The following RIMS2 variants were observed in gnomAD, a reference collection of about 807,000 sequenced individuals.
RIMS2 encodes regulating synaptic membrane exocytosis protein 2.
In RIMS2, 59 loss-of-function variants were observed where a neutral mutation model predicts 174.4. The ratio of observed to expected loss-of-function variants is 0.34; its 90% CI spans 0.27 to 0.42. The LOEUF (loss-of-function observed/expected upper bound fraction) is 0.42, where lower values mean the gene tolerates loss of function less well. Ranked by LOEUF, RIMS2 falls within the 10% of genes least tolerant of loss-of-function variation. RIMS2 has a pLI of 1.00. For missense variants in RIMS2, 1,620 were observed against 1,666.3 expected, an observed-to-expected ratio of 0.97 and a Z score of 0.48; for synonymous variants, 606 against 572.5, an observed-to-expected ratio of 1.06 and a Z score of -0.84.
At chr8:104,014,523 G>T (rs1307973611) in exon 19 of RIMS2, 2 of 1,608,262 alleles carry the variant, frequency 1.2e-6, no homozygotes, top group Non-Finnish European at 1.7e-6. Flanking sequence ...CCTCGTACTG[G>T]GTCTGTCCAG....
At chr8:103,689,742 T>C (rs919556501) in intron 1 of RIMS2, among the ~76,000 whole-genome samples, 4 of 152,296 alleles carry the variant, frequency 2.6e-5, no homozygotes, top group Middle Eastern at 3.4e-3. Flanking sequence ...TCACTAGTAA[T>C]AGTAAATGCA....
chr8:103,632,253 C>T (rs1229966832), intron 1 of RIMS2, among the ~76,000 whole-genome samples: 2 of 152,102 alleles, frequency 1.3e-5, no homozygotes, highest in African/African-American at 2.4e-5. Flanking sequence ...ATAATGTTGG[C>T]TGTGGGTTTG....
chr8:103,964,169 C>T (rs141209730), intron 15 of RIMS2, among the ~76,000 whole-genome samples: 1 of 152,292 alleles, frequency 6.6e-6, no homozygotes, highest in East Asian at 1.9e-4. Flanking sequence ...ATGTTTTCAA[C>T]TCCTTTTCGC....
intron 2 of RIMS2, among the ~76,000 whole-genome samples, chr8:103,720,392 A>G (rs111820229): frequency 6.6e-6 from 1 of 152,128 alleles, no homozygotes; most frequent in Non-Finnish European, 1.5e-5. Flanking sequence ...TGATTATTCC[A>G]TTTCATCTGG....
At chr8:103,925,751 G>A (rs2078652568) in intron 10 of RIMS2, among the ~76,000 whole-genome samples, 1 of 151,530 alleles carries the variant, frequency 6.6e-6, no homozygotes, top group African/African-American at 2.4e-5. Context: ...AATGGACAGC[G>A]AGATGGAAAA....
intron 1 of RIMS2, among the ~76,000 whole-genome samples, chr8:103,671,073 G>A (rs1018680317): frequency 1.3e-5 from 2 of 152,114 alleles, no homozygotes; most frequent in Admixed American, 6.5e-5. Flanking sequence ...GGTGGGAGGC[G>A]AAAGGCACGT....
intron 19 of RIMS2, among the ~76,000 whole-genome samples, chr8:104,093,196 T>C (rs573344826): frequency 5.7e-4 from 87 of 152,216 alleles, no homozygotes; most frequent in African/African-American, 1.9e-3. Context: ...ACCTAAATGT[T>C]CTTTCCTGAG....
At chr8:104,142,246 A>C (rs985322019) in intron 19 of RIMS2, among the ~76,000 whole-genome samples, 23 of 150,544 alleles carry the variant, frequency 1.5e-4, no homozygotes, top group Non-Finnish European at 1.3e-4. Context: ...TCCTGCCTCA[A>C]CCTCCTGAAT....
At position 104,176,010 on chromosome 8, in the gene RIMS2, A is replaced by G. The variant is rs983106902; in HGVS notation, c.3335-68906A>G. Among the ~76,000 whole-genome samples the G allele has an allele frequency of 2.4e-4, 37 of 152,158 alleles. 1 individual carries two copies. Among genetic ancestry groups the G allele is most frequent in the Non-Finnish European group, 8.8e-5 (6 of 68,028 alleles). On this transcript the variant is annotated intron_variant, in intron 19 of 23. Transcript: ENST00000504942. ...AACTAGTCCTACCCAACTTCTCAGG[A>G]TGGCACATTCATATTCTCATTCTCT... is the stretch of plus-strand genomic sequence containing the variant.
At chr8:103,651,052 C>A (rs1255414563) in intron 1 of RIMS2, among the ~76,000 whole-genome samples, 1 of 152,222 alleles carries the variant, frequency 6.6e-6, no homozygotes, top group African/African-American at 2.4e-5. Context: ...TGTGTCTAAG[C>A]AGCCGCTCTG....
At chr8:104,158,232 C>G (rs1009937340) in intron 19 of RIMS2, among the ~76,000 whole-genome samples, 1 of 152,092 alleles carries the variant, frequency 6.6e-6, no homozygotes, top group African/African-American at 2.4e-5. Context: ...TGAACTCGTC[C>G]TTTTTTATGG....
intron 2 of RIMS2, among the ~76,000 whole-genome samples, chr8:103,765,578 G>T (rs772919039): frequency 2.0e-4 from 30 of 151,854 alleles, no homozygotes; most frequent in Non-Finnish European, 2.6e-4. Context: ...CAATTAATTG[G>T]TTTTTTATAG....
At chr8:104,157,129 G>A (rs979890841) in intron 19 of RIMS2, among the ~76,000 whole-genome samples, 22 of 152,038 alleles carry the variant, frequency 1.4e-4, no homozygotes, top group African/African-American at 5.3e-4. Flanking sequence ...TAAAAATATT[G>A]AATCATGCTA....
At chr8:104,071,744 G>A (rs1348316186) in intron 19 of RIMS2, among the ~76,000 whole-genome samples, 1 of 152,130 alleles carries the variant, frequency 6.6e-6, no homozygotes, top group Non-Finnish European at 1.5e-5. Flanking sequence ...CCGGGTCCCT[G>A]TGTTTTAACA....
chr8:103,921,750 G>C (rs781233059), exon 10 of RIMS2: 2 of 1,528,356 alleles, frequency 1.3e-6, no homozygotes, highest in South Asian at 1.1e-5. Flanking sequence ...GGAATGTTGA[G>C]GGATGTCCCA....
At chr8:103,614,749 A>C (rs1378994476) in intron 1 of RIMS2, among the ~76,000 whole-genome samples, 1 of 152,204 alleles carries the variant, frequency 6.6e-6, no homozygotes, top group Non-Finnish European at 1.5e-5. Flanking sequence ...ATATCTTTCT[A>C]CCTCCATAAA....
intron 4 of RIMS2, among the ~76,000 whole-genome samples, chr8:103,889,698 C>A (rs2099230856): frequency 6.6e-6 from 1 of 151,678 alleles, no homozygotes. Flanking sequence ...CTATCTTTAG[C>A]CTTATTGGTG....
intron 1 of RIMS2, among the ~76,000 whole-genome samples, chr8:103,512,320 G>A (rs1468596668): frequency 6.6e-6 from 1 of 152,230 alleles, no homozygotes. Flanking sequence ...TCAAAGAAGG[G>A]TGGATTTGGA....
chr8:104,172,175 C>T (rs934931327), intron 19 of RIMS2, among the ~76,000 whole-genome samples: 2 of 152,166 alleles, frequency 1.3e-5, no homozygotes, highest in Admixed American at 6.5e-5. Flanking sequence ...GTAGCTAAAG[C>T]ATGTGGGTAG....
Sources: gnomAD v4.1 joint callset for allele counts (sites outside exome capture counted in the v4.1 genomes callset) on GRCh38, gnomAD v4.1.1 for gene constraint, MANE v1.5 for transcripts, NCBI Gene and HGNC (gene_info 2026-07-23, HGNC 2026-07-21) for gene names.